The following ZFHX3 variants were observed in gnomAD, a reference collection of about 807,000 sequenced individuals.
ZFHX3 encodes the protein zinc finger homeobox protein 3.
A neutral mutation model predicts 279.1 loss-of-function variants in ZFHX3; 42 were observed. That is an observed-to-expected ratio of 0.15 (90% confidence interval 0.12 to 0.19). ZFHX3 has a LOEUF of 0.19. ZFHX3 is among the 10% of genes least tolerant of loss of function. The pLI, the probability that ZFHX3 is intolerant of heterozygous loss-of-function variation, is 1.00. For synonymous variants in ZFHX3, 2,293 were observed against 1,957.8 expected (o/e 1.17, Z -4.52); for missense variants, 4,981 against 4,754.0 (o/e 1.05, Z -1.40).
intron 1 of ZFHX3, among the ~76,000 whole-genome samples, chr16:73,855,285 AG>A (rs1433804743): frequency 1.4e-5 from 2 of 137,992 alleles, no homozygotes. Flanking sequence ...CGTGAAATTC[AG>A]GGCAATGAAG....
At chr16:73,547,731 C>G (rs889141744) in intron 2 of ZFHX3, among the ~76,000 whole-genome samples, 3 of 152,178 alleles carry the variant, frequency 2.0e-5, no homozygotes, top group African/African-American at 7.2e-5. Flanking sequence ...CTGATGGACA[C>G]AAACCCAGTC....
At chr16:73,363,189 G>A (rs1415462715) in intron 3 of ZFHX3, among the ~76,000 whole-genome samples, 3 of 152,216 alleles carry the variant, frequency 2.0e-5, no homozygotes, top group African/African-American at 4.8e-5. Flanking sequence ...GAGCCCAGCC[G>A]TGATTGACTG....
intron 3 of ZFHX3, among the ~76,000 whole-genome samples, chr16:73,414,410 C>A (rs560290910): frequency 1.4e-4 from 21 of 152,362 alleles, no homozygotes; most frequent in African/African-American, 4.8e-4. Context: ...ACTAAACTTA[C>A]AGTTTAATCA....
chr16:72,888,576 C>G (rs1041741696), intron 4 of ZFHX3, among the ~76,000 whole-genome samples: 3 of 152,192 alleles, frequency 2.0e-5, no homozygotes, highest in African/African-American at 7.2e-5. Flanking sequence ...CTGAGAACCA[C>G]CAGCCAGAGT....
At chr16:72,907,859 T>C (rs1183546735) in intron 3 of ZFHX3, among the ~76,000 whole-genome samples, 1 of 151,912 alleles carries the variant, frequency 6.6e-6, no homozygotes, top group Non-Finnish European at 1.5e-5. Context: ...AATTTTTGTA[T>C]TTTTAGTAGA....
intron 2 of ZFHX3, among the ~76,000 whole-genome samples, chr16:73,575,795 G>C (rs1310255307): frequency 6.6e-6 from 1 of 152,110 alleles, no homozygotes; most frequent in Non-Finnish European, 1.5e-5. Flanking sequence ...AGCAGGCAGA[G>C]AGCTGTGTGA....
intron 2 of ZFHX3, among the ~76,000 whole-genome samples, chr16:73,471,639 C>G (rs1286075517): frequency 6.6e-6 from 1 of 152,144 alleles, no homozygotes; most frequent in African/African-American, 2.4e-5. Context: ...ATCCAACTGA[C>G]TTGGGTGAGA....
intron 2 of ZFHX3, among the ~76,000 whole-genome samples, chr16:73,565,363 G>A (rs984915657): frequency 2.6e-5 from 4 of 152,132 alleles, no homozygotes; most frequent in African/African-American, 7.2e-5. Context: ...TCACATTGAT[G>A]GCATCAGGAA....
At chr16:73,542,417 G>A (rs1454785929) in intron 2 of ZFHX3, among the ~76,000 whole-genome samples, 1 of 152,086 alleles carries the variant, frequency 6.6e-6, no homozygotes, top group African/African-American at 2.4e-5. Flanking sequence ...TAAATGGACA[G>A]ACACCTGTCC....
chr16:73,801,277 G>A lies in ZFHX3; in HGVS notation c.-1608+90374C>T, dbSNP rs80220526. On this transcript the variant is annotated intron_variant, in intron 1 of 17. Transcript: ENST00000641206. ...TCTGGTGCCTGAGCAATTCAAACCA[G>A]TTCAATACAATTCTACAAATATTTA... 3.8e-3 allele frequency among the ~76,000 whole-genome samples: 582 copies of A among 152,224 alleles called. 1 individual carries two copies. The highest frequency in any genetic ancestry group is 0.013 in the African/African-American group (553 of 41,526).
chr16:73,388,488 C>A (rs1396352714), intron 3 of ZFHX3, among the ~76,000 whole-genome samples: 1 of 152,190 alleles, frequency 6.6e-6, no homozygotes, highest in Admixed American at 6.5e-5. Context: ...CTAGTCCCTG[C>A]ACTAGCCGCT....
intron 3 of ZFHX3, among the ~76,000 whole-genome samples, chr16:73,353,371 A>G (rs974460644): frequency 2.0e-5 from 3 of 152,266 alleles, no homozygotes; most frequent in African/African-American, 7.2e-5. Context: ...GGGTTGACCC[A>G]GGATCCTGCT....
chr16:73,061,018 T>G (rs1227813266), upstream of ZFHX3: 1 of 151,684 alleles, frequency 6.6e-6, no homozygotes, highest in Non-Finnish European at 1.5e-5. Flanking sequence ...GCTATTTTAT[T>G]TACGGGGGGC....
chr16:73,703,205 C>T (rs1382679611), intron 1 of ZFHX3, among the ~76,000 whole-genome samples: 3 of 151,974 alleles, frequency 2.0e-5, no homozygotes, highest in Non-Finnish European at 2.9e-5. Context: ...GGGAGCAGTT[C>T]GTTTAAGATG....
At chr16:73,702,176 C>T (rs763132737) in intron 1 of ZFHX3, among the ~76,000 whole-genome samples, 12 of 152,092 alleles carry the variant, frequency 7.9e-5, no homozygotes, top group Non-Finnish European at 1.6e-4. Context: ...CCACCCTCCC[C>T]GTTCACACTC....
intron 1 of ZFHX3, among the ~76,000 whole-genome samples, chr16:73,037,076 T>C (rs1964935824): frequency 6.6e-6 from 1 of 152,030 alleles, no homozygotes; most frequent in Admixed American, 6.6e-5. Context: ...CTTGTCAAAG[T>C]ACAAATACAA....
At chr16:72,940,425 G>A (rs1401871484) in intron 3 of ZFHX3, among the ~76,000 whole-genome samples, 2 of 152,176 alleles carry the variant, frequency 1.3e-5, no homozygotes, top group East Asian at 3.9e-4. Flanking sequence ...CATGGGAGGA[G>A]AAGAAGTCAG....
In ZFHX3 at chr16:73,179,409, C is replaced by A. The variant is rs1337824256; in HGVS notation, c.-1103-35578G>T. ...ACTATCAAGTTTTCATTTCTTTGAC[C>A]ATCAAGGAGCTCATGAACAGTTTTG... On this transcript the variant is annotated intron_variant, in intron 5 of 17. Coordinates refer to the ZFHX3 transcript ENST00000641206. Among the ~76,000 whole-genome samples the A allele has an allele frequency of 3.3e-5, 5 of 152,286 alleles. No individual in the cohort carries two copies. In the South Asian group the frequency reaches 1.0e-3, roughly 32 times the overall value.
chr16:73,532,246 C>T (rs911980862), intron 2 of ZFHX3, among the ~76,000 whole-genome samples: 2 of 152,040 alleles, frequency 1.3e-5, no homozygotes, highest in African/African-American at 4.8e-5. Context: ...GGGTGGTTCT[C>T]CCATACTGTT....
Sources: gnomAD v4.1 joint callset for allele counts (sites outside exome capture counted in the v4.1 genomes callset) on GRCh38, gnomAD v4.1.1 for gene constraint, MANE v1.5 for transcripts, NCBI Gene and HGNC (gene_info 2026-07-23, HGNC 2026-07-21) for gene names.